The following CTNND2 variants were observed in gnomAD, a reference collection of about 807,000 sequenced individuals.
CTNND2 encodes catenin delta-2.
A neutral mutation model predicts 144.4 loss-of-function variants in CTNND2; 22 were observed. That is an observed-to-expected ratio of 0.15 (90% confidence interval 0.11 to 0.22). The LOEUF is 0.22. Among genes scored for constraint, CTNND2 ranks in the 10% least tolerant of loss-of-function variants. CTNND2 has a pLI of 1.00. For missense variants in CTNND2, 1,353 were observed against 1,618.8 expected (o/e 0.84, Z 2.82); for synonymous variants, 751 against 695.6 (o/e 1.08, Z -1.25).
chr5:11,842,851 T>C (rs1433652147), intron 1 of CTNND2, among the ~76,000 whole-genome samples: 2 of 152,250 alleles, frequency 1.3e-5, no homozygotes, highest in Non-Finnish European at 2.9e-5. Flanking sequence ...TTGCATTTTT[T>C]CATGTGGCTA....
At chr5:11,407,773 G>A (rs1269677685) in intron 5 of CTNND2, among the ~76,000 whole-genome samples, 2 of 152,170 alleles carry the variant, frequency 1.3e-5, no homozygotes, top group Non-Finnish European at 2.9e-5. Context: ...CTGACTGGCA[G>A]AATCTGATGG....
intron 9 of CTNND2, among the ~76,000 whole-genome samples, chr5:11,303,654 T>G (rs907722684): frequency 6.6e-6 from 1 of 152,148 alleles, no homozygotes; most frequent in Non-Finnish European, 1.5e-5. Flanking sequence ...AAGACATAGA[T>G]TTCTCCTGGT....
chr5:11,502,885 A>C (rs1561484871), intron 3 of CTNND2, among the ~76,000 whole-genome samples: 1 of 152,240 alleles, frequency 6.6e-6, no homozygotes, highest in Non-Finnish European at 1.5e-5. Context: ...TATACTTCAC[A>C]CTATGAGAAT....
At chr5:11,485,374 T>TGTGCGC (rs1191824518) in intron 3 of CTNND2, among the ~76,000 whole-genome samples, 12 of 140,520 alleles carry the variant, frequency 8.5e-5, no homozygotes, top group African/African-American at 3.3e-4. Context: ...TGTGTGTGTG[T>TGTGCGC]GCGCGCGCGC....
chr5:11,779,553 A>G (rs1425301687), intron 1 of CTNND2, among the ~76,000 whole-genome samples: 1 of 152,212 alleles, frequency 6.6e-6, no homozygotes, highest in African/African-American at 2.4e-5. Flanking sequence ...CATAGCCTGT[A>G]ACAGGAATTA....
intron 2 of CTNND2, among the ~76,000 whole-genome samples, chr5:11,571,997 T>G (rs544196514): frequency 6.6e-6 from 1 of 152,314 alleles, no homozygotes; most frequent in South Asian, 2.1e-4. Context: ...TCTCTATGTT[T>G]AGGGGGTTAT....
Position 11,009,165 on chromosome 5 carries a change from G to T in CTNND2, c.3084+8809C>A, listed in dbSNP as rs535966002. Among the ~76,000 whole-genome samples the T allele has an allele frequency of 2.6e-5, 4 of 152,350 alleles. No homozygotes were observed. The South Asian group carries it at 8.3e-4, about 32-fold the overall frequency. On this transcript the variant is annotated intron_variant, in intron 18 of 21. Transcript: ENST00000304623. ...TGAGGCGGATGGCTGTGGAGGTCAG[G>T]CATCCCCAGTTGGGAGGTCCTTGGT...
chr5:11,129,879 A>AT (rs1276483038), intron 12 of CTNND2, among the ~76,000 whole-genome samples: 8 of 152,224 alleles, frequency 5.3e-5, no homozygotes, highest in Admixed American at 4.6e-4. Context: ...GATTAGCCAC[A>AT]CCTCCATAAA....
intron 3 of CTNND2, among the ~76,000 whole-genome samples, chr5:11,465,317 T>TG (rs5865945): frequency 1.3e-5 from 2 of 151,754 alleles, no homozygotes; most frequent in African/African-American, 4.8e-5. Flanking sequence ...TTTTTTTTTT[T>TG]GCATTCTCTT....
chr5:11,316,559 T>C (rs1751518518), intron 9 of CTNND2, among the ~76,000 whole-genome samples: 1 of 151,446 alleles, frequency 6.6e-6, no homozygotes, highest in Non-Finnish European at 1.5e-5. Flanking sequence ...GTTACATATG[T>C]ATACATGTGC....
intron 3 of CTNND2, among the ~76,000 whole-genome samples, chr5:11,462,387 C>T (rs1007057047): frequency 1.3e-5 from 2 of 152,094 alleles, no homozygotes; most frequent in Non-Finnish European, 2.9e-5. Flanking sequence ...ACTGATACAC[C>T]CCTGACATAT....
At chr5:11,399,461 A>G (rs1451441785) in intron 5 of CTNND2, among the ~76,000 whole-genome samples, 1 of 152,220 alleles carries the variant, frequency 6.6e-6, no homozygotes, top group Non-Finnish European at 1.5e-5. Flanking sequence ...TGTTTTGAGT[A>G]TGTAGTTAGC....
Position 11,227,750 on chromosome 5 carries a change from A to C in CTNND2, c.1761+8941T>G, listed in dbSNP as rs1740514254. 2.0e-5 allele frequency among the ~76,000 whole-genome samples: 3 copies of C among 152,206 alleles called. No individual in the cohort carries two copies. In the South Asian group the frequency reaches 6.2e-4, roughly 31 times the overall value. On this transcript the variant is annotated intron_variant, in intron 10 of 21. Transcript: ENST00000304623. ...ACAGAAATCAATTTCTATGTTCCAT[A>C]CTTAAAGGTAATCTGAATTTAGCCA...
intron 2 of CTNND2, among the ~76,000 whole-genome samples, chr5:11,580,044 T>C (rs1440137269): frequency 6.6e-6 from 1 of 152,236 alleles, no homozygotes; most frequent in Non-Finnish European, 1.5e-5. Flanking sequence ...GTAGACCTTG[T>C]ATTTACTTAA....
At chr5:11,170,728 CA>C (rs1220364159) in intron 11 of CTNND2, among the ~76,000 whole-genome samples, 1 of 152,092 alleles carries the variant, frequency 6.6e-6, no homozygotes, top group East Asian at 1.9e-4. Context: ...TCAGTTACAT[CA>C]AAATTGTCTG....
intron 1 of CTNND2, among the ~76,000 whole-genome samples, chr5:11,751,311 G>C (rs1487177885): frequency 6.6e-6 from 1 of 151,722 alleles, no homozygotes; most frequent in Non-Finnish European, 1.5e-5. Context: ...TGGGGGTCTG[G>C]TGTACAGATT....
chr5:10,986,005 T>C (rs1737898585), intron 20 of CTNND2, among the ~76,000 whole-genome samples: 1 of 152,196 alleles, frequency 6.6e-6, no homozygotes, highest in Non-Finnish European at 1.5e-5. Context: ...TAGCACCCAT[T>C]GGCTTTAGAG....
At chr5:11,056,319 A>T (rs1395077321) in intron 16 of CTNND2, among the ~76,000 whole-genome samples, 2 of 152,214 alleles carry the variant, frequency 1.3e-5, no homozygotes, top group Non-Finnish European at 2.9e-5. Flanking sequence ...ATTTCTGCTA[A>T]GGAAATATTG....
At chr5:11,060,691 T>C (rs1020399064) in intron 16 of CTNND2, among the ~76,000 whole-genome samples, 2 of 152,216 alleles carry the variant, frequency 1.3e-5, no homozygotes, top group African/African-American at 2.4e-5. Flanking sequence ...GAACTTAAAA[T>C]GGCTTCACGT....
Sources: allele counts gnomAD v4.1 joint callset (sites outside exome capture counted in the v4.1 genomes callset), GRCh38; gene constraint gnomAD v4.1.1; transcripts MANE v1.5; gene names NCBI Gene and HGNC (gene_info 2026-07-23, HGNC 2026-07-21).